NUMA1: variants seen among roughly 807,000 people sequenced by gnomAD.
NUMA1 encodes SP-H antigen.
A neutral mutation model predicts 237.1 loss-of-function variants in NUMA1; 62 were observed. That is an observed-to-expected ratio of 0.26 (90% CI 0.21 to 0.32). The LOEUF (loss-of-function observed/expected upper bound fraction) is 0.32. Ranked by LOEUF, NUMA1 falls within the 10% of genes least tolerant of loss-of-function variation. The probability of loss-of-function intolerance (pLI) is 1.00; values close to 1 mark genes in which losing one functional copy is unlikely to be tolerated. For synonymous variants in NUMA1, 1,028 were observed against 1,066.1 expected, an observed-to-expected ratio of 0.96 and a Z score of 0.70; for missense variants, 2,533 against 2,666.5, an observed-to-expected ratio of 0.95 and a Z score of 1.10.
Position 72,016,157 on chromosome 11 carries a change from T to A in NUMA1, c.1346A>T (p.Lys449Met), listed in dbSNP as rs1032688383. 3 of 1,613,950 alleles carry A rather than the reference T, an allele frequency of 1.9e-6. No homozygotes were observed. The South Asian group carries it at 3.3e-5, about 18-fold the overall frequency. ...LETERGQQEA[K>M]LLAERGHFEE... is the part of the protein sequence containing the mutation. ...GAAGTGGCCCCGCTCAGCAAGCAGC[T>A]TGGCTTCCTGCTGGCCTCGCTCAGT... Residue 449 changes from lysine to methionine, a missense_variant, in exon 15 of 27, where the codon AAG becomes ATG. Lys to Met is a moderately conservative substitution (Grantham distance 95). Coordinates refer to ENST00000393695, the MANE Select transcript of NUMA1 (RefSeq NM_006185.4).
rs1204627164 is a variant in NUMA1 at position 72,016,203 on chromosome 11, C to T, written c.1300G>A (p.Ala434Thr). 6 of 1,608,914 alleles carry T rather than the reference C, an allele frequency of 3.7e-6. No homozygotes were observed. Among genetic ancestry groups the T allele is most frequent in the Non-Finnish European group, 5.1e-6 (6 of 1,176,144 alleles). The change falls in exon 15 of 27, where the codon GCC becomes ACC. Residue 434 changes from alanine to threonine, a missense_variant. Physicochemically the swap from Ala to Thr is moderately conservative, Grantham distance 58 (BLOSUM62 0). This residue lies in a region of NUMA1 where 1,414 missense variants were observed against 1,508.1 expected (regional missense o/e 0.94). Coordinates refer to ENST00000393695, the MANE Select transcript of NUMA1 (RefSeq NM_006185.4). ...TLAANNTQLQARVEMLETERG... is the reference protein window; with the variant it reads ...TLAANNTQLQTRVEMLETERG... Reference sequence around the variant, plus strand: ...TCAGTCTCCAGCATCTCTACCCTGGCTTGGAGCTGTGTGTTGTTTGCAGCA... The same window carrying T: ...TCAGTCTCCAGCATCTCTACCCTGGTTTGGAGCTGTGTGTTGTTTGCAGCA...
intron 2 of NUMA1, among the ~76,000 whole-genome samples, chr11:72,051,442 A>C (rs576647687): frequency 6.6e-6 from 1 of 151,574 alleles, no homozygotes; most frequent in African/African-American, 2.4e-5. Context: ...TGATATAAAC[A>C]TCCTACATAC....
At chr11:72,047,123 A>G (rs1349010192) in intron 2 of NUMA1, among the ~76,000 whole-genome samples, 3 of 152,152 alleles carry the variant, frequency 2.0e-5, no homozygotes, top group Non-Finnish European at 4.4e-5. Context: ...CTGGGACTAC[A>G]TGCACATGCC....
Position 72,015,246 on chromosome 11 carries a change from C to T in NUMA1, c.2257G>A (p.Glu753Lys), listed in dbSNP as rs760902346. 1.2e-6 allele frequency: 2 copies of T among 1,613,488 alleles called. No homozygotes were observed. The highest frequency in any genetic ancestry group is 2.7e-5 in the African/African-American group (2 of 74,944). Residue 753 changes from glutamate (E) to lysine (K), a missense_variant, in exon 15 of 27, where the codon GAA becomes AAA. By Grantham distance (56) the Glu-to-Lys change is moderately conservative. Around this residue, in one of 3 missense-constraint regions of NUMA1, gnomAD observed 1,414 missense variants for 1,508.1 expected, o/e 0.94. Transcript: ENST00000393695. This position sits in a 1 kb window ranked among gnomAD's most constrained non-coding sequence, Gnocchi z 4.0. ...TRSLVEQHKR[E>K]RKELEEERAG... ...CTCTCTTCTTCCAGCTCCTTTCGTT[C>T]CCGCTTATGCTGCTCCACCAGGCTT...
intron 2 of NUMA1, among the ~76,000 whole-genome samples, chr11:72,060,809 ACCTGTAATC>A (rs1385563469): frequency 6.6e-6 from 1 of 152,180 alleles, no homozygotes; most frequent in Non-Finnish European, 1.5e-5. Context: ...GGTAGCCCAC[ACCTGTAATC>A]CCAGCATTTT....
chr11:72,068,896 T>C (rs2136251400), intron 2 of NUMA1, among the ~76,000 whole-genome samples: 1 of 152,310 alleles, frequency 6.6e-6, no homozygotes, highest in Middle Eastern at 3.4e-3. Flanking sequence ...TCACACCTCA[T>C]CCTTCACCAA....
At chr11:72,071,954 A>G (rs1365305181) in intron 1 of NUMA1, among the ~76,000 whole-genome samples, 1 of 152,118 alleles carries the variant, frequency 6.6e-6, no homozygotes, top group African/African-American at 2.4e-5. Flanking sequence ...TATAATAGGC[A>G]CTCATTACTT....
At chr11:72,059,286 A>AT (rs1313334900) in intron 2 of NUMA1, among the ~76,000 whole-genome samples, 6 of 151,834 alleles carry the variant, frequency 4.0e-5, no homozygotes, top group Admixed American at 1.3e-4. Flanking sequence ...TTTTTAATTA[A>AT]TTTTTTTTGA....
intron 2 of NUMA1, chr11:72,066,851 T>C (rs1366881983): frequency 1.3e-5 from 2 of 152,246 alleles, no homozygotes; most frequent in East Asian, 3.8e-4. Context: ...ACACAGTAGG[T>C]ACTAAATATG....
chr11:72,060,642 C>T (rs769400327), intron 2 of NUMA1, among the ~76,000 whole-genome samples: 1 of 151,436 alleles, frequency 6.6e-6, no homozygotes, highest in African/African-American at 2.4e-5. Flanking sequence ...GACTCCATGT[C>T]GAAAAAACAA....
intron 2 of NUMA1, chr11:72,065,970 C>T (rs1943177469): frequency 6.6e-6 from 1 of 152,164 alleles, no homozygotes; most frequent in Non-Finnish European, 1.5e-5. Flanking sequence ...CCAGGACCAC[C>T]ACCTTCTCTC....
chr11:72,011,865 A>G (rs1956185220), intron 16 of NUMA1, among the ~76,000 whole-genome samples: 1 of 151,912 alleles, frequency 6.6e-6, no homozygotes, highest in Non-Finnish European at 1.5e-5. Flanking sequence ...AGACATCTCT[A>G]TGCTGTGCTC....
intron 4 of NUMA1, among the ~76,000 whole-genome samples, chr11:72,026,016 G>C (rs1386608053): frequency 6.6e-6 from 1 of 152,146 alleles, no homozygotes; most frequent in African/African-American, 2.4e-5. Context: ...AAAATGCTGG[G>C]TTAAACTGAA....
intron 23 of NUMA1, 72 bp downstream of exon 23, chr11:72,005,161 G>A: frequency 1.4e-6 from 2 of 1,467,558 alleles, no homozygotes; most frequent in Non-Finnish European, 1.8e-6. Context: ...CTAGTGCTCA[G>A]GCTAGATCAG....
rs117729282 is a variant in NUMA1, at chr11:72,017,776, G to C, written c.1030C>G (p.Leu344Val). 1,534 of 1,612,632 alleles carry C rather than the reference G, an allele frequency of 9.5e-4. 16 individuals are homozygous for C. The East Asian group carries it at 0.018, about 19-fold the overall frequency. Residue 344 changes from leucine (L) to valine (V), a missense_variant, in exon 13 of 27, where the codon CTG becomes GTG. By Grantham distance (32) the Leu-to-Val change is conservative (BLOSUM62 1). Transcript: ENST00000393695. ...GTGGCCTTGCTGTGCTCCTCCGTCA[G>C]CTCATTGAGGGCATCCTGTAGCTGC... ...LQQLQDALNE[L>V]TEEHSKATQE...
intron 25 of NUMA1, 43 bp from the exon 26 acceptor site, chr11:72,004,142 T>G: frequency 6.2e-7 from 1 of 1,610,994 alleles, no homozygotes; most frequent in South Asian, 1.1e-5. Flanking sequence ...AATGCTGCCT[T>G]CCCAGGCCAG....
rs1260897195 is a variant in NUMA1, at chr11:72,004,744, C to G, written c.5902G>C (p.Ala1968Pro). The change falls in exon 24 of 27, where the codon GCC becomes CCC. Residue 1968 changes from alanine (A) to proline (P), a missense_variant. By Grantham distance (27) the Ala-to-Pro change is conservative. Transcript: ENST00000393695. Reference protein sequence around the residue: ...TGDPQETLRRASMQPIQIAEG... With the variant: ...TGDPQETLRRPSMQPIQIAEG... The stretch of plus-strand genomic sequence containing the variant: ...GCTATCTGGATTGGCTGCATGCTGG[C>G]TCGGCGCAGGGTCTCTTGGGGGTCT... The G allele has an allele frequency of 4.3e-6, 7 of 1,611,884 alleles. No individual in the cohort carries two copies. The highest frequency in any genetic ancestry group is 5.9e-6 in the Non-Finnish European group (7 of 1,179,190).
At chr11:72,006,012 G>A (rs1448186759) in intron 22 of NUMA1, 23 bp downstream of exon 22, 8 of 1,567,574 alleles carry the variant, frequency 5.1e-6, no homozygotes, top group African/African-American at 1.4e-5. Flanking sequence ...TTGGGGTATA[G>A]TAAGTCCCTG....
intron 4 of NUMA1, among the ~76,000 whole-genome samples, chr11:72,025,259 G>C (rs1939419470): frequency 6.6e-6 from 1 of 152,106 alleles, no homozygotes; most frequent in African/African-American, 2.4e-5. Flanking sequence ...AGTGTGAAGA[G>C]AGCCATGAGG....
Sources: allele counts gnomAD v4.1 joint callset (sites outside exome capture counted in the v4.1 genomes callset), GRCh38; gene constraint gnomAD v4.1.1; regional missense constraint gnomAD v4.1.1; non-coding constraint Gnocchi (gnomAD v3.1); transcripts MANE v1.5; gene names NCBI Gene and HGNC (gene_info 2026-07-23, HGNC 2026-07-21).